SOCS7: variants seen among roughly 807,000 people sequenced by gnomAD.
SOCS7 encodes NAP-4.
A neutral mutation model predicts 58.9 loss-of-function variants in SOCS7; 18 were observed. That is an observed-to-expected ratio of 0.31 (90% confidence interval 0.21 to 0.45). SOCS7 has a LOEUF of 0.45. Among genes scored for constraint, SOCS7 ranks in the 20% least tolerant of loss-of-function variants. SOCS7 has a pLI of 1.00. For missense variants in SOCS7, 667 were observed against 837.3 expected (o/e 0.80, Z 2.51); for synonymous variants, 388 against 364.3 (o/e 1.06, Z -0.74).
chr17:38,368,995 G>A (rs370406812), intron 6 of SOCS7, among the ~76,000 whole-genome samples: 5 of 152,172 alleles, frequency 3.3e-5, no homozygotes, highest in East Asian at 1.9e-4. Context: ...CCTAGAAGCC[G>A]ACTTGTTAAA....
At chr17:38,353,273 G>A (rs2037587192) in intron 1 of SOCS7, among the ~76,000 whole-genome samples, 2 of 152,202 alleles carry the variant, frequency 1.3e-5, no homozygotes, top group Non-Finnish European at 2.9e-5. Context: ...CTTGTTGGAA[G>A]ATGGTTTCAG....
rs2038301731 is a variant in SOCS7, at chr17:38,400,292, A to G, written c.*810A>G. Reference sequence around the variant, plus strand: ...CCATTGCCCCTTGAGATAACTGTACATGTCACTCTGATCATGGTAACAGCA... The same window carrying G: ...CCATTGCCCCTTGAGATAACTGTACGTGTCACTCTGATCATGGTAACAGCA... On this transcript the variant is annotated 3_prime_UTR_variant, in exon 10 of 10. Coordinates refer to ENST00000612932, the MANE Select transcript of SOCS7 (RefSeq NM_014598.4). The G allele has an allele frequency of 6.6e-6, 1 of 152,098 alleles. No individual in the cohort carries two copies. Among genetic ancestry groups the G allele is most frequent in the African/African-American group, 2.4e-5 (1 of 41,388 alleles). 9.4% of individuals were successfully genotyped at this position (152,098 alleles called of 1,614,324 possible).
rs549825487 is a variant in SOCS7 at position 38,397,922 on chromosome 17, C to A, written c.*31-1591C>A. ...TGAGGAGGTGCCATTTCAGCCGATA[C>A]CCAAATATCAAGGAGCCAGCCATGG... On this transcript the variant is annotated intron_variant, in intron 9 of 9. Coordinates refer to ENST00000612932, the MANE Select transcript of SOCS7 (RefSeq NM_014598.4). 1.4e-4 allele frequency among the ~76,000 whole-genome samples: 22 copies of A among 152,246 alleles called. 1 individual carries two copies. The South Asian group carries it at 4.6e-3, about 32-fold the overall frequency.
At position 38,352,449 on chromosome 17, in the gene SOCS7, G is replaced by A; in HGVS notation, c.397G>A (p.Ala133Thr). 6.8e-7 allele frequency: 1 copy of A among 1,461,378 alleles called. No individual in the cohort carries two copies. Among genetic ancestry groups the A allele is most frequent in the South Asian group, 1.4e-5 (1 of 70,732 alleles). 90.5% of individuals were successfully genotyped at this position (1,461,378 alleles called of 1,614,324 possible). A position where few individuals can be genotyped will look rare whatever the true frequency, so the allele number is the denominator to read the frequency against. ...QLAALGLGQPAGPGVKTVGGG... is the reference protein window; with the variant it reads ...QLAALGLGQPTGPGVKTVGGG... The stretch of plus-strand genomic sequence containing the variant: ...GGCGGCTCTGGGGCTCGGGCAGCCG[G>A]CGGGGCCGGGGGTCAAGACAGTCGG... Residue 133 changes from alanine (A) to threonine (T), a missense_variant, in exon 1 of 10, where the codon GCG (alanine) becomes ACG (threonine). Coordinates refer to ENST00000612932, the MANE Select transcript of SOCS7 (RefSeq NM_014598.4). This position sits in a 1 kb window ranked among gnomAD's most constrained non-coding sequence, Gnocchi z 5.5.
intron 3 of SOCS7, among the ~76,000 whole-genome samples, 185 bp downstream of exon 3, chr17:38,365,041 C>A (rs774713388): frequency 6.6e-6 from 1 of 152,192 alleles, no homozygotes; most frequent in Admixed American, 6.5e-5. Context: ...TGCTGTAATA[C>A]TTACTATACA....
chr17:38,352,654 T>C lies in SOCS7; in HGVS notation c.602T>C (p.Leu201Pro). The C allele has an allele frequency of 6.5e-7, 1 of 1,549,858 alleles. No homozygotes were observed. Among genetic ancestry groups the C allele is most frequent in the Non-Finnish European group, 8.7e-7 (1 of 1,146,808 alleles). The change falls in exon 1 of 10, where the codon CTC becomes CCC. Residue 201 changes from leucine to proline, a missense_variant. Coordinates refer to ENST00000612932, the MANE Select transcript of SOCS7 (RefSeq NM_014598.4). This position sits in a 1 kb window ranked among gnomAD's most constrained non-coding sequence, Gnocchi z 5.5. The stretch of plus-strand genomic sequence containing the variant: ...ACTAACAGCTGCTCGGAAGAGGAGC[T>C]CAGCAGCCCGGGTCGCGGAGGAGGA... Reference protein sequence around the residue: ...LETNSCSEEELSSPGRGGGGG... With the variant: ...LETNSCSEEEPSSPGRGGGGG...
At position 38,403,869 on chromosome 17, in the gene SOCS7, G is replaced by T. The variant is rs1221172524; in HGVS notation, c.*4387G>T. 1 of 151,936 alleles carries T rather than the reference G, an allele frequency of 6.6e-6. No individual in the cohort carries two copies. Among genetic ancestry groups the T allele is most frequent in the Non-Finnish European group, 1.5e-5 (1 of 68,016 alleles). The allele number at this position is 151,936 out of a possible 1,614,324, so 9.4% of individuals were successfully genotyped here. Reference sequence around the variant, plus strand: ...ACAGCTGTTCTTCCACTGAATTTGTGCTATTGCATACATGTAGCCATCTTT... The same window carrying T: ...ACAGCTGTTCTTCCACTGAATTTGTTCTATTGCATACATGTAGCCATCTTT... On this transcript the variant is annotated 3_prime_UTR_variant, in exon 10 of 10. Coordinates refer to ENST00000612932, the MANE Select transcript of SOCS7 (RefSeq NM_014598.4).
At chr17:38,375,406 T>C (rs932015903) in intron 6 of SOCS7, among the ~76,000 whole-genome samples, 7 of 152,142 alleles carry the variant, frequency 4.6e-5, no homozygotes, top group Non-Finnish European at 8.8e-5. Context: ...AGATCCACTT[T>C]ATGATCACTT....
intron 7 of SOCS7, among the ~76,000 whole-genome samples, chr17:38,382,778 C>T (rs376589964): frequency 1.1e-3 from 172 of 152,236 alleles, no homozygotes; most frequent in African/African-American, 3.9e-3. Context: ...TGAGCCACCA[C>T]GCTTGGCGGA....
rs541442296 is a variant in SOCS7 at position 38,372,267 on chromosome 17, A to T, written c.1552+4217A>T. ...ATACTAGTCTATTTTAACATTTGCT[A>T]CCATAAAATATATACAAATCTGTTA... On this transcript the variant is annotated intron_variant, in intron 6 of 9. Coordinates refer to ENST00000612932, the MANE Select transcript of SOCS7 (RefSeq NM_014598.4). 1.6e-3 allele frequency among the ~76,000 whole-genome samples: 239 copies of T among 152,332 alleles called. 1 individual carries two copies. The highest frequency in any genetic ancestry group is 5.6e-3 in the African/African-American group (234 of 41,578).
intron 4 of SOCS7, chr17:38,365,826 A>G (rs943730546): frequency 1.8e-5 from 4 of 226,986 alleles, no homozygotes; most frequent in Non-Finnish European, 3.1e-5. Context: ...TTAGCAGCCC[A>G]TACCTGCTTT....
At chr17:38,356,187 G>A (rs940436526) in intron 1 of SOCS7, among the ~76,000 whole-genome samples, 25 of 151,922 alleles carry the variant, frequency 1.6e-4, no homozygotes, top group African/African-American at 6.0e-4. Context: ...CACCAAGTCT[G>A]GCCAACTTAG....
rs78788193 is a variant in SOCS7, at chr17:38,390,500, A to G, written c.1682-4809A>G. Among the ~76,000 whole-genome samples the G allele has an allele frequency of 2.4e-4, 37 of 152,290 alleles. No individual in the cohort carries two copies. In the East Asian group the frequency reaches 7.1e-3, roughly 29 times the overall value. On this transcript the variant is annotated intron_variant, in intron 7 of 9. Transcript: ENST00000612932. Reference sequence around the variant, plus strand: ...GTTGGCAAGAGTGTGGAGTTGAGTCAGTACATCAATTTGGGGAGGGAATAT... The same window carrying G: ...GTTGGCAAGAGTGTGGAGTTGAGTCGGTACATCAATTTGGGGAGGGAATAT...
intron 7 of SOCS7, among the ~76,000 whole-genome samples, chr17:38,389,893 A>ATATATG (rs2038141362): frequency 1.1e-5 from 1 of 92,108 alleles, no homozygotes; most frequent in Non-Finnish European, 1.9e-5. Flanking sequence ...GTACATATAT[A>ATATATG]TATATACACA....
At chr17:38,364,937 A>G in intron 3 of SOCS7, 81 bp downstream of exon 3, 3 of 1,061,826 alleles carry the variant, frequency 2.8e-6, no homozygotes, top group Non-Finnish European at 2.8e-6. Flanking sequence ...GGGGCCGACC[A>G]CGCTTCTGGG....
chr17:38,404,912 C>G lies in SOCS7; in HGVS notation c.*5430C>G, dbSNP rs1177536846. On this transcript the variant is annotated 3_prime_UTR_variant, in exon 10 of 10. Transcript: ENST00000612932. ...GGTGCTGCCTGTGGCATAGCCACTG[C>G]TGTACGTTTTTGGTTGTTTTTAAGA... is the stretch of plus-strand genomic sequence containing the variant. 3 of 152,290 alleles carry G rather than the reference C, an allele frequency of 2.0e-5. No homozygotes were observed. Among genetic ancestry groups the G allele is most frequent in the South Asian group, 2.1e-4 (1 of 4,832 alleles). The allele number at this position is 152,290 out of a possible 1,614,324, so 9.4% of individuals were successfully genotyped here.
intron 6 of SOCS7, among the ~76,000 whole-genome samples, chr17:38,377,140 A>G (rs1458535277): frequency 1.3e-5 from 2 of 152,210 alleles, no homozygotes; most frequent in East Asian, 1.9e-4. Context: ...CTGTACCTAT[A>G]CTTAATATAC....
intron 9 of SOCS7, among the ~76,000 whole-genome samples, chr17:38,398,975 A>G (rs2038281334): frequency 6.6e-6 from 1 of 151,946 alleles, no homozygotes; most frequent in African/African-American, 2.4e-5. Context: ...CTGTAATCCC[A>G]GCTACTTGGG....
At chr17:38,364,686 CTTTGCTTTCT>C in intron 2 of SOCS7, 56 bp from the exon 3 acceptor site, 3 of 1,372,464 alleles carry the variant, frequency 2.2e-6, no homozygotes, top group South Asian at 2.3e-5. Flanking sequence ...CTTTGCTTCC[CTTTGCTTTCT>C]GCATCAGCTT....
Sources: gnomAD v4.1 joint callset for allele counts (sites outside exome capture counted in the v4.1 genomes callset) on GRCh38, gnomAD v4.1.1 for gene constraint, Gnocchi (gnomAD v3.1) non-coding constraint, MANE v1.5 for transcripts, NCBI Gene and HGNC (gene_info 2026-07-23, HGNC 2026-07-21) for gene names.